Variants in LTBP1 observed in about 807,000 individuals in gnomAD.
LTBP1 encodes the protein latent transforming growth factor beta binding protein 1.
A neutral mutation model predicts 207.6 loss-of-function variants in LTBP1; 129 were observed. The observed-to-expected ratio is 0.62, with a 90% CI of 0.54 to 0.72. The LOEUF is 0.72. LTBP1 is among the 30% of genes least tolerant of loss of function. The pLI, the probability that LTBP1 is intolerant of heterozygous loss-of-function variation, is 0.00. For missense variants in LTBP1, 2,281 were observed against 2,217.2 expected, an observed-to-expected ratio of 1.03 and a Z score of -0.58; for synonymous variants, 963 against 833.7, an observed-to-expected ratio of 1.16 and a Z score of -2.67.
chr2:33,214,729 C>G (rs1200596711), intron 7 of LTBP1, among the ~76,000 whole-genome samples: 1 of 152,186 alleles, frequency 6.6e-6, no homozygotes, highest in African/African-American at 2.4e-5. Flanking sequence ...AAGAGAGTTT[C>G]TTTATCTCAA....
rs1211013076 is a variant in LTBP1, at chr2:33,150,704, C to CTTTT, written c.1201+15746_1201+15749dup. Among the ~76,000 whole-genome samples the CTTTT allele has an allele frequency of 3.2e-4, 35 of 108,840 alleles. 1 individual carries two copies. The highest frequency in any genetic ancestry group is 1.2e-3 in the African/African-American group (35 of 28,570). The allele number at this position is 108,840 out of a possible 152,430, so 71.4% of individuals were successfully genotyped here. A position where few individuals can be genotyped will look rare whatever the true frequency, so the allele number is the denominator to read the frequency against. ...TGCTTTCTTTTCTTTTTTCTTTTTT[C>CTTTT]TTTTTCTTTTTTTTTTTTTTTTTTT... On this transcript the variant is annotated intron_variant, in intron 5 of 33. Coordinates refer to ENST00000404816, the MANE Select transcript of LTBP1 (RefSeq NM_206943.4).
At chr2:33,396,713 A>G (rs978522846) in intron 32 of LTBP1, among the ~76,000 whole-genome samples, 6 of 152,004 alleles carry the variant, frequency 3.9e-5, no homozygotes. Context: ...ATTGCCTCAC[A>G]CTCTTACGGA....
chr2:32,955,860 C>T (rs575720140), intron 2 of LTBP1, among the ~76,000 whole-genome samples: 8 of 152,074 alleles, frequency 5.3e-5, no homozygotes, highest in African/African-American at 1.4e-4. Context: ...TGGTTGTTTT[C>T]GTACTTATGG....
At chr2:33,180,989 CATGT>C (rs1469715631) in intron 5 of LTBP1, among the ~76,000 whole-genome samples, 1 of 151,480 alleles carries the variant, frequency 6.6e-6, no homozygotes, top group East Asian at 1.9e-4. Flanking sequence ...AAATCAAAAT[CATGT>C]GTGTGTCTGT....
intron 2 of LTBP1, among the ~76,000 whole-genome samples, chr2:33,013,035 C>T (rs1208771770): frequency 1.3e-5 from 2 of 152,106 alleles, no homozygotes; most frequent in African/African-American, 2.4e-5. Flanking sequence ...TTCTACTCAA[C>T]CTTTATGGTT....
intron 3 of LTBP1, among the ~76,000 whole-genome samples, chr2:33,047,214 G>C (rs995075310): frequency 6.6e-6 from 1 of 152,046 alleles, no homozygotes; most frequent in East Asian, 1.9e-4. Context: ...TTAGGGTGTT[G>C]ATTTTAGATC....
intron 5 of LTBP1, among the ~76,000 whole-genome samples, chr2:33,159,794 A>G (rs975526152): frequency 1.3e-5 from 2 of 152,238 alleles, no homozygotes; most frequent in Non-Finnish European, 2.9e-5. Flanking sequence ...AGCCATTGTC[A>G]CATGCTATTT....
intron 5 of LTBP1, among the ~76,000 whole-genome samples, chr2:33,183,304 A>C (rs6720405): frequency 0.44 from 66,994 of 151,900 alleles, 15,442 homozygotes; most frequent in Non-Finnish European, 0.5. Context: ...ACTTTTGTAA[A>C]ATGTCCTGTG....
intron 26 of LTBP1, among the ~76,000 whole-genome samples, chr2:33,348,602 G>C (rs115168148): frequency 0.017 from 2,585 of 152,278 alleles, 31 homozygotes; most frequent in Non-Finnish European, 0.025. Flanking sequence ...GGTTAACTAA[G>C]TGTCTTTTTC....
chr2:33,027,764 G>T (rs907648745), intron 3 of LTBP1, among the ~76,000 whole-genome samples: 1 of 152,170 alleles, frequency 6.6e-6, no homozygotes, highest in Non-Finnish European at 1.5e-5. Flanking sequence ...TTGAACCCGG[G>T]AGGTGGAGGT....
intron 5 of LTBP1, among the ~76,000 whole-genome samples, chr2:33,149,762 C>G (rs1008715027): frequency 6.6e-6 from 1 of 152,058 alleles, no homozygotes; most frequent in Non-Finnish European, 1.5e-5. Context: ...CAGAAGTGAT[C>G]GTATAACAGA....
chr2:33,046,648 C>T (rs1472941856), intron 3 of LTBP1, among the ~76,000 whole-genome samples: 1 of 149,792 alleles, frequency 6.7e-6, no homozygotes, highest in Non-Finnish European at 1.5e-5. Flanking sequence ...GGGAGGTGTC[C>T]CTCTTTTTCT....
chr2:33,137,146 A>C (rs1344994483), intron 5 of LTBP1, among the ~76,000 whole-genome samples: 1 of 152,226 alleles, frequency 6.6e-6, no homozygotes, highest in Non-Finnish European at 1.5e-5. Flanking sequence ...GAAAATACAG[A>C]AAAATTCAAA....
intron 31 of LTBP1, among the ~76,000 whole-genome samples, chr2:33,372,286 TAGAAC>T (rs921689936): frequency 7.9e-5 from 12 of 152,200 alleles, no homozygotes; most frequent in Admixed American, 3.3e-4. Flanking sequence ...TAGTCTCCCT[TAGAAC>T]AGAAAAGTAA....
At chr2:33,019,874 ATT>A (rs3047195) in intron 2 of LTBP1, among the ~76,000 whole-genome samples, 11,862 of 134,886 alleles carry the variant, frequency 0.088, 697 homozygotes, top group East Asian at 0.27. Context: ...AGCTAATTAA[ATT>A]TTTTTTTTTT....
chr2:32,975,583 G>GTTTTTTTTTTTTTTTTTTTTTTT (rs779168923), intron 2 of LTBP1, among the ~76,000 whole-genome samples: 2 of 31,360 alleles, frequency 6.4e-5, no homozygotes, highest in African/African-American at 1.4e-4. Flanking sequence ...TTCATTCTTT[G>GTTTTTTTTTTTTTTTTTTTTTTT]TTTTTTTTTT....
In LTBP1 at chr2:33,134,775, C is replaced by T. The variant is rs1004036347; in HGVS notation, c.1034-18C>T. On this transcript the variant is annotated intron_variant, in intron 4 of 33. Coordinates refer to ENST00000404816, the MANE Select transcript of LTBP1 (RefSeq NM_206943.4). This position sits in a 1 kb window ranked among gnomAD's most constrained non-coding sequence, Gnocchi z 4.4. ...CTGATGTGTTTGTTGTTCTTTTTCT[C>T]CCTGCCTCCGCTCCTAGTGAGTAAC... The T allele has an allele frequency of 1.1e-5, 18 of 1,613,882 alleles. No individual in the cohort carries two copies. The highest frequency in any genetic ancestry group is 1.4e-5 in the Non-Finnish European group (16 of 1,180,006).
chr2:33,366,107 G>A (rs560118750), intron 31 of LTBP1, among the ~76,000 whole-genome samples: 2 of 152,318 alleles, frequency 1.3e-5, no homozygotes, highest in South Asian at 2.1e-4. Flanking sequence ...CCCTCTCCCA[G>A]TTTGGAGGAG....
intron 15 of LTBP1, among the ~76,000 whole-genome samples, chr2:33,265,367 T>A (rs2093146552): frequency 6.6e-6 from 1 of 152,228 alleles, no homozygotes. Flanking sequence ...GGAAATAATA[T>A]TCCCAAAGGC....
Sources: gnomAD v4.1 joint callset for allele counts (sites outside exome capture counted in the v4.1 genomes callset) on GRCh38, gnomAD v4.1.1 for gene constraint, Gnocchi (gnomAD v3.1) non-coding constraint, MANE v1.5 for transcripts, NCBI Gene and HGNC (gene_info 2026-07-23, HGNC 2026-07-21) for gene names.